NTRK3: variants seen among roughly 807,000 people sequenced by gnomAD.
NTRK3 encodes the protein NT-3 growth factor receptor.
A neutral mutation model predicts 91.7 loss-of-function variants in NTRK3; 24 were observed. The observed-to-expected ratio is 0.26, with a 90% CI of 0.19 to 0.37. The LOEUF (loss-of-function observed/expected upper bound fraction) is 0.37, where lower values mean the gene tolerates loss of function less well. Among genes scored for constraint, NTRK3 ranks in the 10% least tolerant of loss-of-function variants. The pLI is 1.00. For synonymous variants in NTRK3, 483 were observed against 404.0 expected (o/e 1.20, Z -2.34); for missense variants, 880 against 1,068.9 (o/e 0.82, Z 2.46).
intron 3 of NTRK3, among the ~76,000 whole-genome samples, chr15:88,248,440 A>C (rs1352385100): frequency 6.6e-6 from 1 of 152,132 alleles, no homozygotes; most frequent in Non-Finnish European, 1.5e-5. Context: ...AAGTAACTGA[A>C]ATGTTGTAAA....
intron 13 of NTRK3, among the ~76,000 whole-genome samples, chr15:88,104,183 C>T (rs748144036): frequency 5.9e-5 from 9 of 152,202 alleles, no homozygotes; most frequent in Non-Finnish European, 8.8e-5. Flanking sequence ...GTGGATGAGA[C>T]GTCAGGGACA....
chr15:87,997,768 T>C (rs969003475), intron 14 of NTRK3, among the ~76,000 whole-genome samples: 3 of 152,160 alleles, frequency 2.0e-5, no homozygotes, highest in Admixed American at 6.5e-5. Context: ...AGATGTGCCA[T>C]AGGCACTTAG....
chr15:87,954,079 T>G (rs559026683), intron 14 of NTRK3, among the ~76,000 whole-genome samples: 8 of 151,016 alleles, frequency 5.3e-5, no homozygotes, highest in Non-Finnish European at 1.2e-4. Context: ...TTCTCTGAAA[T>G]AGATCTTTAT....
chr15:88,163,483 C>T (rs1323963613), intron 5 of NTRK3, among the ~76,000 whole-genome samples: 2 of 152,206 alleles, frequency 1.3e-5, no homozygotes, highest in African/African-American at 2.4e-5. Flanking sequence ...TTCATCCATC[C>T]ATCAAGCTCA....
At chr15:88,040,581 G>T (rs2079513512) in intron 13 of NTRK3, among the ~76,000 whole-genome samples, 1 of 152,200 alleles carries the variant, frequency 6.6e-6, no homozygotes, top group Non-Finnish European at 1.5e-5. Flanking sequence ...CCTACTGTTG[G>T]CTCTAAAACT....
chr15:87,910,497 C>A (rs550323132), intron 17 of NTRK3, among the ~76,000 whole-genome samples: 1 of 152,322 alleles, frequency 6.6e-6, no homozygotes, highest in South Asian at 2.1e-4. Context: ...TTATTTAAAA[C>A]ATGCCGTGTT....
At chr15:88,049,769 GATC>G (rs1239964099) in intron 13 of NTRK3, among the ~76,000 whole-genome samples, 1 of 152,196 alleles carries the variant, frequency 6.6e-6, no homozygotes, top group East Asian at 1.9e-4. Context: ...GGTATTTTAA[GATC>G]ATTAACCAAT....
At chr15:88,163,234 C>T (rs2044629576) in intron 5 of NTRK3, among the ~76,000 whole-genome samples, 1 of 152,162 alleles carries the variant, frequency 6.6e-6, no homozygotes, top group African/African-American at 2.4e-5. Flanking sequence ...AGGTCAACGG[C>T]TCATTTGTCT....
At chr15:88,103,413 C>T (rs1258855346) in intron 13 of NTRK3, among the ~76,000 whole-genome samples, 1 of 151,998 alleles carries the variant, frequency 6.6e-6, no homozygotes, top group East Asian at 1.9e-4. Context: ...ACTGCTTGAG[C>T]CAATTCCTTA....
At chr15:87,967,242 G>A (rs933088293) in intron 14 of NTRK3, among the ~76,000 whole-genome samples, 2 of 152,164 alleles carry the variant, frequency 1.3e-5, no homozygotes, top group Non-Finnish European at 2.9e-5. Context: ...GCTCCCCGGG[G>A]TATAAATGAT....
intron 3 of NTRK3, among the ~76,000 whole-genome samples, chr15:88,211,413 A>G (rs1377244842): frequency 1.3e-5 from 2 of 152,232 alleles, no homozygotes; most frequent in African/African-American, 4.8e-5. Flanking sequence ...TCATCAGATG[A>G]TGGACATTTT....
intron 13 of NTRK3, among the ~76,000 whole-genome samples, chr15:88,075,086 C>A (rs2047418347): frequency 6.6e-6 from 1 of 152,208 alleles, no homozygotes; most frequent in Non-Finnish European, 1.5e-5. Flanking sequence ...AACAATATCT[C>A]CCCAAACTCC....
chr15:88,214,988 G>A (rs1035375981), intron 3 of NTRK3, among the ~76,000 whole-genome samples: 6 of 152,142 alleles, frequency 3.9e-5, no homozygotes, highest in Middle Eastern at 3.2e-3. Context: ...TCCTCTGCCC[G>A]GTTTCCTCCC....
intron 17 of NTRK3, among the ~76,000 whole-genome samples, chr15:87,914,261 T>C (rs1432963665): frequency 1.3e-5 from 2 of 152,252 alleles, no homozygotes; most frequent in Non-Finnish European, 2.9e-5. Context: ...CTTTTGGTGC[T>C]AACTCCATTC....
chr15:87,902,686 C>T (rs117372317), intron 17 of NTRK3, among the ~76,000 whole-genome samples: 1,900 of 152,232 alleles, frequency 0.012, 40 homozygotes, highest in Admixed American at 0.055. Context: ...AGTACATTGC[C>T]TTTTTGCTTA....
intron 17 of NTRK3, among the ~76,000 whole-genome samples, chr15:87,919,207 C>G (rs1044545355): frequency 1.3e-5 from 2 of 152,188 alleles, no homozygotes; most frequent in African/African-American, 4.8e-5. Flanking sequence ...TGTCAGGAGT[C>G]ATGGCAGAGA....
chr15:88,046,298 C>A (rs1406000554), intron 13 of NTRK3, among the ~76,000 whole-genome samples: 1 of 152,168 alleles, frequency 6.6e-6, no homozygotes, highest in African/African-American at 2.4e-5. Context: ...TCCAGACTGG[C>A]CTTTCCTGCC....
At chr15:87,998,086 T>C (rs780632368) in intron 14 of NTRK3, among the ~76,000 whole-genome samples, 1 of 152,226 alleles carries the variant, frequency 6.6e-6, no homozygotes, top group Non-Finnish European at 1.5e-5. Context: ...CTGAGCATTG[T>C]GGGATATTTA....
chr15:88,024,856 A>G (rs756127381), intron 14 of NTRK3, among the ~76,000 whole-genome samples: 1 of 152,256 alleles, frequency 6.6e-6, no homozygotes, highest in African/African-American at 2.4e-5. Context: ...AGGCATGGAC[A>G]CATTGGTTGG....
Sources: gnomAD v4.1 joint callset for allele counts (sites outside exome capture counted in the v4.1 genomes callset) on GRCh38, gnomAD v4.1.1 for gene constraint, MANE v1.5 for transcripts, NCBI Gene and HGNC (gene_info 2026-07-23, HGNC 2026-07-21) for gene names.